VPS13B: variants seen among roughly 807,000 people sequenced by gnomAD.
VPS13B encodes the protein intermembrane lipid transfer protein VPS13B.
Under a neutral mutation model 426.4 loss-of-function variants are expected in VPS13B, and 285 were observed. The observed-to-expected ratio is 0.67, with a 90% CI of 0.61 to 0.74. The LOEUF is 0.74. Among genes scored for constraint, VPS13B ranks in the 30% least tolerant of loss-of-function variants. The probability of loss-of-function intolerance (pLI) is 0.00; values close to 1 mark genes in which losing one functional copy is unlikely to be tolerated. For synonymous variants in VPS13B, 1,676 were observed against 1,676.4 expected (o/e 1.00, Z 0.01); for missense variants, 4,537 against 4,782.6 (o/e 0.95, Z 1.51).
At chr8:99,065,026 A>T (rs1437439228) in intron 3 of VPS13B, among the ~76,000 whole-genome samples, 1 of 152,214 alleles carries the variant, frequency 6.6e-6, no homozygotes, top group African/African-American at 2.4e-5. Flanking sequence ...TAAGTGAAGG[A>T]GAAATAAAAT....
intron 24 of VPS13B, among the ~76,000 whole-genome samples, chr8:99,480,811 TA>T (rs1819996638): frequency 6.6e-6 from 1 of 152,184 alleles, no homozygotes; most frequent in African/African-American, 2.4e-5. Flanking sequence ...TTTTTATAAA[TA>T]CGAGAATTTC....
intron 17 of VPS13B, among the ~76,000 whole-genome samples, chr8:99,230,582 C>A (rs1377630510): frequency 6.6e-6 from 1 of 152,214 alleles, no homozygotes; most frequent in African/African-American, 2.4e-5. Flanking sequence ...AAAGTTTGAA[C>A]CTTGGCCACA....
intron 25 of VPS13B, among the ~76,000 whole-genome samples, chr8:99,497,146 A>G (rs1041931991): frequency 2.9e-5 from 4 of 138,826 alleles, no homozygotes; most frequent in African/African-American, 1.1e-4. Context: ...AAATATATAT[A>G]TTTATGTAAT....
chr8:99,156,552 T>C lies in VPS13B; in HGVS notation c.2017T>C (p.Ser673Pro). The stretch of plus-strand genomic sequence containing the variant: ...AGCGAACACTATTATTTTCTAGAAC[T>C]CAAGTAACTTCATGAATACTACAAA... ...LLPVIMGEKN[S>P]SNFMNTTNFQ... The change falls in exon 15 of 62, where the codon TCA becomes CCA. Residue 673 changes from serine to proline, a missense_variant. Ser to Pro is a moderately conservative substitution (Grantham distance 74). Transcript: ENST00000357162. 1 of 1,613,880 alleles carries C rather than the reference T, an allele frequency of 6.2e-7. No homozygotes were observed. Among genetic ancestry groups the C allele is most frequent in the South Asian group, 1.1e-5 (1 of 91,078 alleles).
At chr8:99,742,854 C>A (rs1809827826) in intron 39 of VPS13B, among the ~76,000 whole-genome samples, 1 of 152,100 alleles carries the variant, frequency 6.6e-6, no homozygotes, top group African/African-American at 2.4e-5. Context: ...CTATGACAAA[C>A]CCACAGCCAA....
chr8:99,092,757 A>G (rs1846214422), intron 3 of VPS13B, among the ~76,000 whole-genome samples: 2 of 152,040 alleles, frequency 1.3e-5, no homozygotes, highest in Admixed American at 1.3e-4. Context: ...AAGTGTTTAC[A>G]TGTTTGGTAA....
chr8:99,177,825 ATATC>A (rs1212750778), intron 16 of VPS13B, among the ~76,000 whole-genome samples: 2 of 152,230 alleles, frequency 1.3e-5, no homozygotes, highest in East Asian at 3.8e-4. Flanking sequence ...TACATGACCT[ATATC>A]TATGTCAGAA....
At chr8:99,824,534 G>C (rs1271752682) in intron 51 of VPS13B, among the ~76,000 whole-genome samples, 1 of 150,904 alleles carries the variant, frequency 6.6e-6, no homozygotes, top group Non-Finnish European at 1.5e-5. Flanking sequence ...AAAATGAATA[G>C]TTAATATTTT....
chr8:99,498,164 T>A (rs1297092752), intron 25 of VPS13B, among the ~76,000 whole-genome samples: 1 of 152,128 alleles, frequency 6.6e-6, no homozygotes, highest in Non-Finnish European at 1.5e-5. Flanking sequence ...AAGCTAATAA[T>A]CTGAGGTTAG....
intron 25 of VPS13B, among the ~76,000 whole-genome samples, chr8:99,492,887 A>C (rs1820690912): frequency 6.6e-6 from 1 of 152,180 alleles, no homozygotes; most frequent in African/African-American, 2.4e-5. Flanking sequence ...CTCTCCAACC[A>C]GTCCCAATGA....
chr8:99,633,860 T>G (rs1176266771), intron 33 of VPS13B, among the ~76,000 whole-genome samples: 2 of 147,378 alleles, frequency 1.4e-5, no homozygotes, highest in Non-Finnish European at 3.0e-5. Flanking sequence ...CTGAATTCAT[T>G]ACAAAAAGCA....
rs554475693 is a variant in VPS13B at position 99,689,520 on chromosome 8, T to A, written c.6047-10005T>A. Reference sequence around the variant, plus strand: ...GCCAAAGTGATCCAAAGTCTGAGTCTCAAAAAAAAAGTTAGCGCTTGGCAC... The same window carrying A: ...GCCAAAGTGATCCAAAGTCTGAGTCACAAAAAAAAAGTTAGCGCTTGGCAC... On this transcript the variant is annotated intron_variant, in intron 35 of 61. Transcript: ENST00000357162. 5.7e-4 allele frequency among the ~76,000 whole-genome samples: 86 copies of A among 152,030 alleles called. 1 individual carries two copies. The highest frequency in any genetic ancestry group is 2.0e-3 in the African/African-American group (84 of 41,488).
At chr8:99,072,167 A>C (rs4596618) in intron 3 of VPS13B, among the ~76,000 whole-genome samples, 112,601 of 151,912 alleles carry the variant, frequency 0.74, 42,384 homozygotes, top group South Asian at 0.87. Context: ...TGGCCACCAC[A>C]GCTGGGAATA....
chr8:99,506,302 A>G (rs760876001), intron 27 of VPS13B, among the ~76,000 whole-genome samples: 1 of 152,206 alleles, frequency 6.6e-6, no homozygotes, highest in Admixed American at 6.5e-5. Flanking sequence ...TTGATAATAG[A>G]ATGTTCAACT....
chr8:99,641,983 C>T lies in VPS13B; in HGVS notation c.5393C>T (p.Ser1798Leu), dbSNP rs1563839992. The T allele has an allele frequency of 6.2e-7, 1 of 1,614,132 alleles. No individual in the cohort carries two copies. Among genetic ancestry groups the T allele is most frequent in the Admixed American group, 1.7e-5 (1 of 59,996 alleles). ...GASQHRIARP[S>L]RQSSIVKNLN... Reference sequence around the variant, plus strand: ...AGTCAGCATCGCATTGCCCGTCCCTCACGCCAGTCATCAATTGTAAAAAAT... The same window carrying T: ...AGTCAGCATCGCATTGCCCGTCCCTTACGCCAGTCATCAATTGTAAAAAAT... Residue 1798 changes from serine (S) to leucine (L), a missense_variant, in exon 34 of 62, where the codon TCA (serine) becomes TTA (leucine). Ser to Leu is a moderately radical substitution (Grantham distance 145). Transcript: ENST00000357162.
At chr8:99,187,543 A>G (rs1813287410) in intron 16 of VPS13B, among the ~76,000 whole-genome samples, 1 of 152,186 alleles carries the variant, frequency 6.6e-6, no homozygotes, top group South Asian at 2.1e-4. Context: ...ATAGCCAAAT[A>G]TGATCAGAAT....
At position 99,362,982 on chromosome 8, in the gene VPS13B, C is replaced by T. The variant is rs932736753; in HGVS notation, c.2825-21226C>T. Reference sequence around the variant, plus strand: ...TCTGTGTGTTGTTTCTTCACTTTGTCGATTGTTTCCTTTGCTGTACAGAAG... The same window carrying T: ...TCTGTGTGTTGTTTCTTCACTTTGTTGATTGTTTCCTTTGCTGTACAGAAG... On this transcript the variant is annotated intron_variant, in intron 19 of 61. Coordinates refer to ENST00000357162, the MANE Select transcript of VPS13B (RefSeq NM_152564.5). Among the ~76,000 whole-genome samples the T allele has an allele frequency of 4.6e-5, 7 of 152,210 alleles. 1 individual carries two copies. Among genetic ancestry groups the T allele is most frequent in the South Asian group, 2.1e-4 (1 of 4,824 alleles).
intron 42 of VPS13B, among the ~76,000 whole-genome samples, chr8:99,783,009 G>A (rs1812091597): frequency 6.6e-6 from 1 of 152,100 alleles, no homozygotes; most frequent in Non-Finnish European, 1.5e-5. Context: ...GAAGAATAAG[G>A]TATGTCAGGG....
chr8:99,035,960 A>G (rs1337443936), intron 2 of VPS13B, among the ~76,000 whole-genome samples: 1 of 152,062 alleles, frequency 6.6e-6, no homozygotes, highest in Non-Finnish European at 1.5e-5. Flanking sequence ...TTTTGTGGAC[A>G]TGGCTTCAAT....
Sources: gnomAD v4.1 joint callset for allele counts (sites outside exome capture counted in the v4.1 genomes callset) on GRCh38, gnomAD v4.1.1 for gene constraint, MANE v1.5 for transcripts, NCBI Gene and HGNC (gene_info 2026-07-23, HGNC 2026-07-21) for gene names.